The following PLD1 variants were observed in gnomAD, a reference collection of about 807,000 sequenced individuals.
PLD1 encodes choline phosphatase 1.
PLD1 carries 112 observed loss-of-function variants against 137.1 expected under a neutral mutation model. That is an observed-to-expected ratio of 0.82 (90% CI 0.70 to 0.96). The LOEUF (loss-of-function observed/expected upper bound fraction) is 0.96, where lower values mean the gene tolerates loss of function less well. Ranked by LOEUF, PLD1 falls within the 40% of genes least tolerant of loss-of-function variation. PLD1 has a pLI of 0.00. For synonymous variants in PLD1, 431 were observed against 454.7 expected (o/e 0.95, Z 0.66); for missense variants, 1,321 against 1,342.0 (o/e 0.98, Z 0.24).
rs9826758 is a variant in PLD1 at position 171,638,944 on chromosome 3, C to T, written c.2593+3896G>A. Reference sequence around the variant, plus strand: ...AAGAATTCATGCCTTTTGATTCTTGCTTTTCTGCTTCTGTTGGAATCTCGG... The same window carrying T: ...AAGAATTCATGCCTTTTGATTCTTGTTTTTCTGCTTCTGTTGGAATCTCGG... On this transcript the variant is annotated intron_variant, in intron 23 of 26. Transcript: ENST00000351298. 3.1e-3 allele frequency among the ~76,000 whole-genome samples: 472 copies of T among 152,112 alleles called. 3 individuals are homozygous for T. Among genetic ancestry groups the T allele is most frequent in the African/African-American group, 0.011 (447 of 41,480 alleles).
At chr3:171,750,871 A>G (rs571193036) in intron 1 of PLD1, among the ~76,000 whole-genome samples, 18 of 152,316 alleles carry the variant, frequency 1.2e-4, no homozygotes, top group African/African-American at 4.3e-4. Context: ...GTAACAGAGA[A>G]ATTATAATAG....
Position 171,602,016 on chromosome 3 carries a change from A to G in PLD1, c.*1062T>C, listed in dbSNP as rs1359868270. On this transcript the variant is annotated 3_prime_UTR_variant, in exon 27 of 27. Transcript: ENST00000351298. Reference sequence around the variant, plus strand: ...TAATTTTTCTCAAAGAAGATAATGTAGCAGAAGACCTGAATGTCAAACAAG... The same window carrying G: ...TAATTTTTCTCAAAGAAGATAATGTGGCAGAAGACCTGAATGTCAAACAAG... 2 of 152,234 alleles carry G rather than the reference A, an allele frequency of 1.3e-5. No homozygotes were observed. Among genetic ancestry groups the G allele is most frequent in the African/African-American group, 2.4e-5 (1 of 41,462 alleles). The allele number at this position is 152,234 out of a possible 1,614,324, so 9.4% of individuals were successfully genotyped here. A position where few individuals can be genotyped will look rare whatever the true frequency, so the allele number is the denominator to read the frequency against.
chr3:171,810,232 G>GGGGATCGCTAGGGAGTCCGCCGC (rs1438237351), intron 1 of PLD1, among the ~76,000 whole-genome samples, 167 bp downstream of exon 1: 2 of 152,228 alleles, frequency 1.3e-5, no homozygotes, highest in African/African-American at 4.8e-5. Context: ...GGAGGCCCTT[G>GGGGATCGCTAGGGAGTCCGCCGC]GGGATCGCTA....
chr3:171,687,730 G>T (rs924080543), intron 14 of PLD1, 146 bp from the exon 15 acceptor site: 1 of 618,188 alleles, frequency 1.6e-6, no homozygotes, highest in Non-Finnish European at 2.8e-6. Flanking sequence ...TCAGCCACAG[G>T]GTAGTGGTGG....
intron 3 of PLD1, among the ~76,000 whole-genome samples, chr3:171,736,533 G>A (rs1260115406): frequency 6.6e-6 from 1 of 152,144 alleles, no homozygotes; most frequent in African/African-American, 2.4e-5. Context: ...ACATGGACCC[G>A]AGTCACAGGG....
At chr3:171,646,501 G>C (rs986140551) in intron 21 of PLD1, among the ~76,000 whole-genome samples, 1 of 152,064 alleles carries the variant, frequency 6.6e-6, no homozygotes, top group African/African-American at 2.4e-5. Flanking sequence ...GCCATGCTAA[G>C]AAACAAGGAT....
At chr3:171,708,063 C>T (rs1438613626) in intron 11 of PLD1, among the ~76,000 whole-genome samples, 1 of 152,208 alleles carries the variant, frequency 6.6e-6, no homozygotes, top group Non-Finnish European at 1.5e-5. Flanking sequence ...ACATTTTAGA[C>T]ATTTCCATAT....
intron 1 of PLD1, among the ~76,000 whole-genome samples, chr3:171,808,639 T>C (rs1723972317): frequency 6.6e-6 from 1 of 152,160 alleles, no homozygotes; most frequent in South Asian, 2.1e-4. Context: ...GTAATTTTAA[T>C]TAAGAAACAC....
intron 1 of PLD1, among the ~76,000 whole-genome samples, chr3:171,805,686 T>C (rs1674911659): frequency 6.6e-6 from 1 of 152,234 alleles, no homozygotes; most frequent in South Asian, 2.1e-4. Context: ...ATTGCAATTA[T>C]GTCAAAGAAC....
At chr3:171,634,300 A>C (rs1325718720) in intron 23 of PLD1, among the ~76,000 whole-genome samples, 1 of 152,190 alleles carries the variant, frequency 6.6e-6, no homozygotes, top group Non-Finnish European at 1.5e-5. Flanking sequence ...ATACTTTATA[A>C]TAAGCTCAGG....
Position 171,612,218 on chromosome 3 carries a change from C to T in PLD1, c.2882+61G>A. ...ACCCATGTGCTCAGGGCTAGCGGGG[C>T]TGGGTCCCAGCGACTGCTGCAGTGG... On this transcript the variant is annotated intron_variant, in intron 25 of 26. Transcript: ENST00000351298. The surrounding 1 kb of genome is among the most constrained non-coding windows in gnomAD (Gnocchi z 4.1). 3.3e-6 allele frequency: 5 copies of T among 1,529,772 alleles called. No individual in the cohort carries two copies. The highest frequency in any genetic ancestry group is 4.5e-6 in the Non-Finnish European group (5 of 1,110,628). 94.8% of individuals were successfully genotyped at this position (1,529,772 alleles called of 1,614,324 possible). A position where few individuals can be genotyped will look rare whatever the true frequency, so the allele number is the denominator to read the frequency against.
At chr3:171,604,230 C>T (rs1732028061) in intron 26 of PLD1, among the ~76,000 whole-genome samples, 1 of 150,954 alleles carries the variant, frequency 6.6e-6, no homozygotes, top group Non-Finnish European at 1.5e-5. Flanking sequence ...AGGGGAATCA[C>T]TTGAACCCAG....
At chr3:171,799,567 T>C (rs1250425389) in intron 1 of PLD1, among the ~76,000 whole-genome samples, 1 of 151,990 alleles carries the variant, frequency 6.6e-6, no homozygotes, top group Non-Finnish European at 1.5e-5. Flanking sequence ...CATTTCCCCC[T>C]CTCTAGGAGG....
intron 1 of PLD1, among the ~76,000 whole-genome samples, chr3:171,748,127 A>G (rs1213478746): frequency 6.6e-6 from 1 of 152,228 alleles, no homozygotes; most frequent in Non-Finnish European, 1.5e-5. Flanking sequence ...TTCCGAGTCA[A>G]CGTCTAAGAA....
At chr3:171,622,072 C>T (rs565196579) in intron 23 of PLD1, among the ~76,000 whole-genome samples, 1 of 152,276 alleles carries the variant, frequency 6.6e-6, no homozygotes, top group East Asian at 1.9e-4. Flanking sequence ...CTTTTAATTT[C>T]TCTGTATCAT....
intron 21 of PLD1, among the ~76,000 whole-genome samples, chr3:171,655,109 T>G (rs1018157232): frequency 2.0e-5 from 3 of 152,224 alleles, no homozygotes; most frequent in African/African-American, 7.2e-5. Context: ...TGGTGAGGCC[T>G]GGCTGACTGC....
At chr3:171,797,240 C>T (rs898024710) in intron 1 of PLD1, among the ~76,000 whole-genome samples, 1 of 152,184 alleles carries the variant, frequency 6.6e-6, no homozygotes, top group African/African-American at 2.4e-5. Flanking sequence ...ATGGCTTCTC[C>T]GATCTGTAGT....
At position 171,601,634 on chromosome 3, in the gene PLD1, A is replaced by G. The variant is rs1050810951; in HGVS notation, c.*1444T>C. On this transcript the variant is annotated 3_prime_UTR_variant, in exon 27 of 27. Coordinates refer to ENST00000351298, the MANE Select transcript of PLD1 (RefSeq NM_002662.5). The stretch of plus-strand genomic sequence containing the variant: ...ATCCCTGACTTTGTGCTCCTGTTTA[A>G]TTTTTCCAACTGAAGTATTAGCTTT... The G allele has an allele frequency of 6.6e-6, 1 of 151,880 alleles. No homozygotes were observed. The highest frequency in any genetic ancestry group is 2.4e-5 in the African/African-American group (1 of 41,276). 9.4% of individuals were successfully genotyped at this position (151,880 alleles called of 1,614,324 possible). A position where few individuals can be genotyped will look rare whatever the true frequency, so the allele number is the denominator to read the frequency against.
intron 8 of PLD1, among the ~76,000 whole-genome samples, chr3:171,722,657 C>T (rs1290930493): frequency 4.6e-5 from 7 of 152,138 alleles, no homozygotes; most frequent in Non-Finnish European, 1.0e-4. Context: ...AACTTCATAT[C>T]CTTTTCCATT....
Sources: gnomAD v4.1 joint callset for allele counts (sites outside exome capture counted in the v4.1 genomes callset) on GRCh38, gnomAD v4.1.1 for gene constraint, Gnocchi (gnomAD v3.1) non-coding constraint, MANE v1.5 for transcripts, NCBI Gene and HGNC (gene_info 2026-07-23, HGNC 2026-07-21) for gene names.